Variants in TMEM135 observed in about 807,000 individuals in gnomAD.
TMEM135 encodes the protein transmembrane protein 135.
In TMEM135, 30 loss-of-function variants were observed where a neutral mutation model predicts 60.3. The observed-to-expected ratio is 0.50, with a 90% confidence interval of 0.37 to 0.68. TMEM135 has a LOEUF of 0.68. Among genes scored for constraint, TMEM135 ranks in the 30% least tolerant of loss-of-function variants. The pLI is 0.00. For synonymous variants in TMEM135, 190 were observed against 186.7 expected, an observed-to-expected ratio of 1.02 and a Z score of -0.14; for missense variants, 468 against 548.8, an observed-to-expected ratio of 0.85 and a Z score of 1.47.
Position 87,321,479 on chromosome 11 carries a change from C to T in TMEM135, c.*146C>T, listed in dbSNP as rs768794990. The stretch of plus-strand genomic sequence containing the variant: ...CATTTGTTTTGTTTTTCTTATGAAT[C>T]AGAAATTCAGAAGCTTTTTAGGAAG... On this transcript the variant is annotated 3_prime_UTR_variant, in exon 15 of 15. Transcript: ENST00000305494. 4.5e-6 allele frequency: 4 copies of T among 889,208 alleles called. No individual in the cohort carries two copies. The highest frequency in any genetic ancestry group is 2.0e-5 in the Admixed American group (1 of 50,722). 55.1% of individuals were successfully genotyped at this position (889,208 alleles called of 1,614,324 possible).
intron 13 of TMEM135, among the ~76,000 whole-genome samples, chr11:87,318,907 T>C (rs1404139104): frequency 6.6e-6 from 1 of 151,238 alleles, no homozygotes; most frequent in African/African-American, 2.4e-5. Flanking sequence ...ATTTTGCTCT[T>C]GTCCAGGCTG....
intron 5 of TMEM135, among the ~76,000 whole-genome samples, chr11:87,229,154 G>A (rs968927063): frequency 1.1e-4 from 17 of 151,858 alleles, no homozygotes; most frequent in African/African-American, 2.9e-4. Flanking sequence ...ACATTTTGAC[G>A]TTTCTTTTAT....
At chr11:87,069,060 T>TTGGGAGGTCAAGGCAGA (rs199619942) in intron 2 of TMEM135, among the ~76,000 whole-genome samples, 12 of 150,654 alleles carry the variant, frequency 8.0e-5, no homozygotes, top group African/African-American at 2.9e-4. Context: ...TCCTAGCACT[T>TTGGGAGGTCAAGGCAGA]TGGATCACGA....
In TMEM135 at chr11:87,040,936, T is replaced by G. The variant is rs115221388; in HGVS notation, c.141+2750T>G. On this transcript the variant is annotated intron_variant, in intron 1 of 14. Transcript: ENST00000305494. ...AGTAGGTGGCCCTTGACTTGTGCCT[T>G]GAGGGTAAGGCTATACAGACATTTA... is the stretch of plus-strand genomic sequence containing the variant. 1.6e-3 allele frequency among the ~76,000 whole-genome samples: 236 copies of G among 152,188 alleles called. 2 individuals are homozygous for G. The highest frequency in any genetic ancestry group is 5.3e-3 in the African/African-American group (220 of 41,526).
intron 4 of TMEM135, among the ~76,000 whole-genome samples, chr11:87,113,482 A>C (rs1857804655): frequency 6.6e-6 from 1 of 152,114 alleles, no homozygotes; most frequent in South Asian, 2.1e-4. Context: ...TCTTTTATAA[A>C]ACCAAACACT....
In TMEM135 at chr11:87,226,230, A is replaced by G. The variant is rs564603987; in HGVS notation, c.463-10408A>G. 5.9e-5 allele frequency among the ~76,000 whole-genome samples: 9 copies of G among 152,322 alleles called. 1 individual carries two copies. The South Asian group carries it at 1.9e-3, about 32-fold the overall frequency. ...TTCCAATAAACTGCATTTCCTTTAC[A>G]TGGTAAATAGAGATGTGAATAAAAT... On this transcript the variant is annotated intron_variant, in intron 5 of 14. Coordinates refer to ENST00000305494, the MANE Select transcript of TMEM135 (RefSeq NM_022918.4).
At chr11:87,226,628 A>G (rs1205337617) in intron 5 of TMEM135, among the ~76,000 whole-genome samples, 2 of 152,184 alleles carry the variant, frequency 1.3e-5, no homozygotes, top group Non-Finnish European at 2.9e-5. Flanking sequence ...ACTTACTATA[A>G]AAGGACAGGA....
chr11:87,305,545 A>G (rs10898665), intron 8 of TMEM135, among the ~76,000 whole-genome samples: 98,051 of 151,798 alleles, frequency 0.65, 32,101 homozygotes, highest in South Asian at 0.69. Context: ...AGGCCGAGGC[A>G]GGCGGATCAC....
In TMEM135 at chr11:87,327,742, T is replaced by A. The variant is rs1942934511; in HGVS notation, c.*6409T>A. The A allele has an allele frequency of 2.2e-6, 1 of 453,904 alleles. No homozygotes were observed. Among genetic ancestry groups the A allele is most frequent in the African/African-American group, 2.0e-5 (1 of 49,966 alleles). The allele number at this position is 453,904 out of a possible 1,614,324, so 28.1% of individuals were successfully genotyped here. A position where few individuals can be genotyped will look rare whatever the true frequency, so the allele number is the denominator to read the frequency against. ...GTGTAATTCTCAGTCCAAGGCTGAA[T>A]TTTCAAGTCTGAGAACCTGGGGGTG... On this transcript the variant is annotated 3_prime_UTR_variant, in exon 15 of 15. Transcript: ENST00000305494.
intron 6 of TMEM135, among the ~76,000 whole-genome samples, chr11:87,254,940 T>G (rs1272706898): frequency 6.6e-6 from 1 of 152,168 alleles, no homozygotes; most frequent in East Asian, 1.9e-4. Context: ...AGGGGTTCGA[T>G]ACCAGCTTGG....
chr11:87,287,104 T>C (rs1942180452), intron 6 of TMEM135, among the ~76,000 whole-genome samples: 1 of 152,330 alleles, frequency 6.6e-6, no homozygotes, highest in Admixed American at 6.5e-5. Context: ...AGCATGTATG[T>C]AACACTTTAC....
chr11:87,037,993 C>T lies in TMEM135; in HGVS notation c.-53C>T, dbSNP rs1430465061. The T allele has an allele frequency of 1.2e-6, 2 of 1,610,630 alleles. No homozygotes were observed. The highest frequency in any genetic ancestry group is 8.5e-7 in the Non-Finnish European group (1 of 1,179,840). Reference sequence around the variant, plus strand: ...CTGGCGGCTGGGCTCTCGCGCCCCTCCCTGCAGGGCTCAGGCTCTCCCCCT... The same window carrying T: ...CTGGCGGCTGGGCTCTCGCGCCCCTTCCTGCAGGGCTCAGGCTCTCCCCCT... On this transcript the variant is annotated 5_prime_UTR_variant, in exon 1 of 15. Coordinates refer to ENST00000305494, the MANE Select transcript of TMEM135 (RefSeq NM_022918.4).
intron 12 of TMEM135, 107 bp from the exon 13 acceptor site, chr11:87,318,030 G>T: frequency 1.2e-6 from 1 of 820,900 alleles, no homozygotes. Context: ...AGCTCTGAAG[G>T]GAGTATTAGG....
In TMEM135 at chr11:87,095,026, G is replaced by A. The variant is rs146228023; in HGVS notation, c.396+3631G>A. ...CACTTAGCATGTTGTTCCCGGGGGT[G>A]TTCAATGGGTTTCCATCAGTTAGCC... On this transcript the variant is annotated intron_variant, in intron 4 of 14. Transcript: ENST00000305494. 3.8e-4 allele frequency: 70 copies of A among 184,834 alleles called. No individual in the cohort carries two copies. The East Asian group carries it at 7.7e-3, about 20-fold the overall frequency. 11.4% of individuals were successfully genotyped at this position (184,834 alleles called of 1,614,324 possible). A position where few individuals can be genotyped will look rare whatever the true frequency, so the allele number is the denominator to read the frequency against.
intron 13 of TMEM135, 72 bp from the exon 14 acceptor site, chr11:87,319,238 C>T (rs922591659): frequency 8.0e-7 from 1 of 1,242,990 alleles, no homozygotes; most frequent in Non-Finnish European, 1.2e-6. Context: ...AACATCAATA[C>T]ACCTTTGTGT....
chr11:87,089,021 A>G (rs1857152675), intron 3 of TMEM135, among the ~76,000 whole-genome samples: 1 of 152,228 alleles, frequency 6.6e-6, no homozygotes, highest in Non-Finnish European at 1.5e-5. Context: ...ATTAAGTTGT[A>G]TGTATTTAGG....
intron 1 of TMEM135, among the ~76,000 whole-genome samples, chr11:87,064,918 A>G (rs950482574): frequency 5.9e-5 from 9 of 152,068 alleles, no homozygotes; most frequent in African/African-American, 7.2e-5. Context: ...TATTCTAGAA[A>G]TGGAATCATA....
intron 2 of TMEM135, 106 bp from the exon 3 acceptor site, chr11:87,071,417 G>T: frequency 1.2e-6 from 1 of 811,548 alleles, no homozygotes; most frequent in Non-Finnish European, 2.1e-6. Context: ...TTGAGGTAGT[G>T]TGGTACATTT....
chr11:87,294,977 A>G (rs887046295), intron 6 of TMEM135, among the ~76,000 whole-genome samples: 4 of 152,176 alleles, frequency 2.6e-5, no homozygotes, highest in African/African-American at 9.7e-5. Flanking sequence ...TATAAGAAAA[A>G]TACATAACTT....
Sources: gnomAD v4.1 joint callset for allele counts (sites outside exome capture counted in the v4.1 genomes callset) on GRCh38, gnomAD v4.1.1 for gene constraint, MANE v1.5 for transcripts, NCBI Gene and HGNC (gene_info 2026-07-23, HGNC 2026-07-21) for gene names.